SKI: variants seen among roughly 807,000 people sequenced by gnomAD.
The protein encoded by SKI is ski oncogene.
A neutral mutation model predicts 59.3 loss-of-function variants in SKI; 23 were observed. The ratio of observed to expected loss-of-function variants is 0.39; its 90% confidence interval spans 0.28 to 0.55. The LOEUF (loss-of-function observed/expected upper bound fraction) is 0.55. SKI is among the 20% of genes least tolerant of loss of function. The probability of loss-of-function intolerance (pLI) is 0.67; values close to 1 mark genes in which losing one functional copy is unlikely to be tolerated. For missense variants in SKI, 1,017 were observed against 1,038.9 expected, an observed-to-expected ratio of 0.98 and a Z score of 0.29; for synonymous variants, 673 against 488.6, an observed-to-expected ratio of 1.38 and a Z score of -4.98.
chr1:2,274,521 G>GT (rs1356581093), intron 1 of SKI, among the ~76,000 whole-genome samples: 2 of 152,210 alleles, frequency 1.3e-5, no homozygotes, highest in Non-Finnish European at 2.9e-5. Flanking sequence ...GCTCTGCTGT[G>GT]TGGGTGGTCA....
intron 1 of SKI, among the ~76,000 whole-genome samples, chr1:2,266,197 A>C (rs1490128052): frequency 6.6e-6 from 1 of 152,060 alleles, no homozygotes; most frequent in East Asian, 1.9e-4. Context: ...TGTCGGGTGG[A>C]GACAGGCTCT....
chr1:2,286,019 A>G (rs2100884194), intron 1 of SKI, among the ~76,000 whole-genome samples: 1 of 151,826 alleles, frequency 6.6e-6, no homozygotes, highest in African/African-American at 2.4e-5. Flanking sequence ...GACTACAGGC[A>G]CGCACTGCCA....
chr1:2,238,696 G>A lies in SKI; in HGVS notation c.969+8961G>A, dbSNP rs145810774. The stretch of plus-strand genomic sequence containing the variant: ...GCGGAGCTGTGGACACTGCGTGTGT[G>A]GTGCTGAAGGTGTACACGTCCACTG... On this transcript the variant is annotated intron_variant, in intron 1 of 6. Transcript: ENST00000378536. 1.8e-3 allele frequency among the ~76,000 whole-genome samples: 269 copies of A among 152,370 alleles called. 3 individuals carry two copies. Among genetic ancestry groups the A allele is most frequent in the African/African-American group, 6.2e-3 (258 of 41,594 alleles).
At chr1:2,304,262 G>A in intron 4 of SKI, 31 bp from the exon 5 acceptor site, 1 of 1,551,770 alleles carries the variant, frequency 6.4e-7, no homozygotes, top group Non-Finnish European at 8.7e-7. Flanking sequence ...GCACTTCCAT[G>A]ACTTTGTTTC....
intron 1 of SKI, among the ~76,000 whole-genome samples, chr1:2,256,809 G>C (rs1639284303): frequency 6.6e-6 from 1 of 152,228 alleles, no homozygotes; most frequent in Non-Finnish European, 1.5e-5. Context: ...CTTAGATCTG[G>C]CATTCAAAAT....
At position 2,228,720 on chromosome 1, in the gene SKI, G is replaced by T. The variant is rs1010808097; in HGVS notation, c.-47G>T. 3.0e-5 allele frequency: 30 copies of T among 1,006,048 alleles called. No individual in the cohort carries two copies. Among genetic ancestry groups the T allele is most frequent in the African/African-American group, 1.4e-4 (8 of 56,850 alleles). The allele number at this position is 1,006,048 out of a possible 1,614,324, so 62.3% of individuals were successfully genotyped here. A position where few individuals can be genotyped will look rare whatever the true frequency, so the allele number is the denominator to read the frequency against. ...CGGGGCGGCGGCGGGGGCCGGGGGG[G>T]CCCGGGCGCGCGGGAGCGGGAGCGG... On this transcript the variant is annotated 5_prime_UTR_variant, in exon 1 of 7. Transcript: ENST00000378536.
chr1:2,272,684 G>A (rs866843955), intron 1 of SKI, among the ~76,000 whole-genome samples: 1 of 152,202 alleles, frequency 6.6e-6, no homozygotes. Context: ...TGTCCTTAAT[G>A]TAGAATGTTT....
At chr1:2,280,691 A>C (rs868748183) in intron 1 of SKI, among the ~76,000 whole-genome samples, 30 of 36,778 alleles carry the variant, frequency 8.2e-4, no homozygotes, top group East Asian at 2.5e-3. Context: ...CTTCAGAGAG[A>C]GGACGCCCGA....
intron 1 of SKI, chr1:2,232,376 T>G (rs566127182): frequency 6.6e-6 from 1 of 152,216 alleles, no homozygotes; most frequent in African/African-American, 2.4e-5. Context: ...TCAGCGCCAC[T>G]CTCCTACCCA....
At position 2,303,093 on chromosome 1, in the gene SKI, C is replaced by T. The variant is rs1640468107; in HGVS notation, c.1085C>T (p.Ser362Phe). Residue 362 changes from serine (S) to phenylalanine (F), a missense_variant, in exon 2 of 7, where the codon TCT (serine) becomes TTT (phenylalanine). Coordinates refer to ENST00000378536, the MANE Select transcript of SKI (RefSeq NM_003036.4). This position sits in a 1 kb window ranked among gnomAD's most constrained non-coding sequence, Gnocchi z 5.6. ...AGCTGGCTGCGGACCTTGGCCGGCT[C>T]TTCCAATAAGGTGCTGTGGGGCCTG... Reference protein sequence around the residue: ...PSSWLRTLAGSSNKSLGCVHP... With the variant: ...PSSWLRTLAGFSNKSLGCVHP... The T allele has an allele frequency of 6.2e-7, 1 of 1,613,390 alleles. No individual in the cohort carries two copies. The highest frequency in any genetic ancestry group is 8.5e-7 in the Non-Finnish European group (1 of 1,180,026).
chr1:2,292,719 C>T (rs1027255605), intron 1 of SKI, among the ~76,000 whole-genome samples: 19 of 152,210 alleles, frequency 1.2e-4, no homozygotes, highest in Non-Finnish European at 2.4e-4. Context: ...CAGGCAGTGT[C>T]CTCTGCCTGT....
intron 1 of SKI, among the ~76,000 whole-genome samples, chr1:2,247,657 A>G (rs1051330363): frequency 6.6e-6 from 1 of 152,114 alleles, no homozygotes; most frequent in African/African-American, 2.4e-5. Flanking sequence ...TGCCCTGGCC[A>G]CTTGGGGTTT....
rs370310482 is a variant in SKI, at chr1:2,245,365, G to A, written c.969+15630G>A. 1.6e-4 allele frequency among the ~76,000 whole-genome samples: 25 copies of A among 152,268 alleles called. No individual in the cohort carries two copies. In the East Asian group the frequency reaches 3.9e-3, roughly 23 times the overall value. On this transcript the variant is annotated intron_variant, in intron 1 of 6. Transcript: ENST00000378536. ...GGGTGACTTCCACAGTTTAGCTGTC[G>A]TGAATGATGCTGCTGTGAGCACGGG...
chr1:2,300,074 C>T (rs373924329), intron 1 of SKI, among the ~76,000 whole-genome samples: 2 of 152,240 alleles, frequency 1.3e-5, no homozygotes, highest in South Asian at 2.1e-4. Flanking sequence ...TTCCTCAGCC[C>T]AGCCCTGCCC....
intron 6 of SKI, among the ~76,000 whole-genome samples, 155 bp downstream of exon 6, chr1:2,306,405 TG>T (rs1640580164): frequency 1.3e-5 from 2 of 151,764 alleles, no homozygotes; most frequent in Admixed American, 1.3e-4. Context: ...ACAGGGTGGG[TG>T]GTTGCTGGGC....
intron 1 of SKI, among the ~76,000 whole-genome samples, chr1:2,234,561 ACAGCCC>A (rs1638711801): frequency 1.3e-5 from 2 of 152,194 alleles, no homozygotes; most frequent in South Asian, 4.1e-4. Context: ...TTGTGGGGCC[ACAGCCC>A]CAGCTTAGGT....
At chr1:2,300,129 C>T (rs952030765) in intron 1 of SKI, among the ~76,000 whole-genome samples, 11 of 152,236 alleles carry the variant, frequency 7.2e-5, no homozygotes, top group Admixed American at 3.3e-4. Context: ...AGCTCACACG[C>T]GTTGCCCGGG....
At position 2,260,385 on chromosome 1, in the gene SKI, C is replaced by T. The variant is rs185046815; in HGVS notation, c.969+30650C>T. On this transcript the variant is annotated intron_variant, in intron 1 of 6. Transcript: ENST00000378536. The stretch of plus-strand genomic sequence containing the variant: ...TTGTTTTACTGTTGACTCGTGAGAT[C>T]TTTACGTATTCTGGATGCAAGTCCC... Among the ~76,000 whole-genome samples, 264 of 152,216 alleles carry T rather than the reference C, an allele frequency of 1.7e-3. 1 individual carries two copies. Among genetic ancestry groups the T allele is most frequent in the Non-Finnish European group, 2.6e-3 (180 of 68,024 alleles).
At chr1:2,252,375 C>G (rs149582807) in intron 1 of SKI, among the ~76,000 whole-genome samples, 1 of 152,140 alleles carries the variant, frequency 6.6e-6, no homozygotes, top group South Asian at 2.1e-4. Flanking sequence ...GGCTGCCCCA[C>G]GTTCTGATCC....
Sources: allele counts gnomAD v4.1 joint callset (sites outside exome capture counted in the v4.1 genomes callset), GRCh38; gene constraint gnomAD v4.1.1; non-coding constraint Gnocchi (gnomAD v3.1); transcripts MANE v1.5; gene names NCBI Gene and HGNC (gene_info 2026-07-23, HGNC 2026-07-21).